The following EHMT1 variants were observed in gnomAD, a reference collection of about 807,000 sequenced individuals.
EHMT1 encodes euchromatic histone lysine methyltransferase 1.
EHMT1 carries 15 observed loss-of-function variants against 147.2 expected under a neutral mutation model. The observed-to-expected ratio is 0.10, with a 90% CI of 0.07 to 0.16. The LOEUF (loss-of-function observed/expected upper bound fraction) is 0.16, where lower values mean the gene tolerates loss of function less well. Among genes scored for constraint, EHMT1 ranks in the 10% least tolerant of loss-of-function variants. The pLI, the probability that EHMT1 is intolerant of heterozygous loss-of-function variation, is 1.00. For synonymous variants in EHMT1, 795 were observed against 709.6 expected (o/e 1.12, Z -1.91); for missense variants, 1,587 against 1,772.4 (o/e 0.90, Z 1.88).
At chr9:137,770,950 T>A (rs1950548384) in intron 10 of EHMT1, among the ~76,000 whole-genome samples, 1 of 152,254 alleles carries the variant, frequency 6.6e-6, no homozygotes, top group African/African-American at 2.4e-5. Context: ...TTTTGTTTTC[T>A]GTGTACTTGT....
At chr9:137,817,864 G>A (rs1233942750) in intron 24 of EHMT1, 196 bp from the exon 25 acceptor site, 21 of 645,948 alleles carry the variant, frequency 3.3e-5, no homozygotes, top group African/African-American at 5.4e-5. Flanking sequence ...CAGAGCTTTC[G>A]GTATCGTTAT....
chr9:137,795,429 TCTCACA>T (rs1564776415), intron 16 of EHMT1, among the ~76,000 whole-genome samples: 2 of 19,502 alleles, frequency 1.0e-4, no homozygotes, highest in Admixed American at 9.2e-4. Context: ...ACACACACAC[TCTCACA>T]CTCACATACA....
rs1945375031 is a variant in EHMT1 at position 137,716,914 on chromosome 9, A to C, written c.374A>C (p.Tyr125Ser). 4 of 1,612,918 alleles carry C rather than the reference A, an allele frequency of 2.5e-6. No homozygotes were observed. Among genetic ancestry groups the C allele is most frequent in the Non-Finnish European group, 3.4e-6 (4 of 1,179,866 alleles). ...ACTTCTGTCATCGGCAGCAACGGAT[A>C]CATCTTAAATAAGCCGGCCCTACAG... Reference protein sequence around the residue: ...VQTSVIGSNGYILNKPALQAQ... With the variant: ...VQTSVIGSNGSILNKPALQAQ... The change falls in exon 3 of 27, where the codon TAC (tyrosine) becomes TCC (serine). Residue 125 changes from tyrosine to serine, a missense_variant. Physicochemically the swap from Tyr to Ser is moderately radical, Grantham distance 144. Coordinates refer to ENST00000460843, the MANE Select transcript of EHMT1 (RefSeq NM_024757.5).
At chr9:137,793,139 T>G (rs1007391071) in intron 16 of EHMT1, among the ~76,000 whole-genome samples, 12 of 152,204 alleles carry the variant, frequency 7.9e-5, no homozygotes, top group African/African-American at 2.9e-4. Flanking sequence ...TCATGACCAA[T>G]AGCGTGAAAA....
intron 13 of EHMT1, among the ~76,000 whole-genome samples, chr9:137,778,401 C>A (rs1017786227): frequency 2.0e-5 from 3 of 152,240 alleles, no homozygotes; most frequent in Admixed American, 1.3e-4. Flanking sequence ...CAGGCCACAC[C>A]CCATCTGTGC....
intron 6 of EHMT1, among the ~76,000 whole-genome samples, chr9:137,750,383 A>G (rs1301868450): frequency 6.6e-6 from 1 of 152,250 alleles, no homozygotes; most frequent in East Asian, 1.9e-4. Flanking sequence ...TTTAAAAGAT[A>G]AGGACTCTTT....
At chr9:137,687,075 A>G (rs1284215236) in intron 1 of EHMT1, among the ~76,000 whole-genome samples, 2 of 152,184 alleles carry the variant, frequency 1.3e-5, no homozygotes, top group African/African-American at 4.8e-5. Flanking sequence ...CCAGCAACAT[A>G]GTTGATAGGT....
intron 1 of EHMT1, among the ~76,000 whole-genome samples, chr9:137,670,723 C>G (rs1395603458): frequency 3.9e-5 from 6 of 152,194 alleles, no homozygotes; most frequent in Non-Finnish European, 5.9e-5. Flanking sequence ...GCTCCAGTTC[C>G]TACGGGCCTG....
chr9:137,814,358 C>T (rs1258895003), intron 21 of EHMT1, 73 bp from the exon 22 acceptor site: 14 of 1,492,740 alleles, frequency 9.4e-6, no homozygotes, highest in Middle Eastern at 3.4e-4. Flanking sequence ...AACTGGAAGA[C>T]GTAGTTGTGA....
At chr9:137,675,405 A>T (rs2883083) in intron 1 of EHMT1, among the ~76,000 whole-genome samples, 2 of 111,402 alleles carry the variant, frequency 1.8e-5, no homozygotes, top group African/African-American at 5.3e-5. Flanking sequence ...GGTGACCAAT[A>T]GGGGGGTTGG....
In EHMT1 at chr9:137,743,231, G is replaced by C. The variant is rs573523279; in HGVS notation, c.824-140G>C. The C allele has an allele frequency of 4.6e-4, 449 of 976,292 alleles. 1 individual carries two copies. Among genetic ancestry groups the C allele is most frequent in the Non-Finnish European group, 3.6e-4 (240 of 666,270 alleles). 60.5% of individuals were successfully genotyped at this position (976,292 alleles called of 1,614,324 possible). On this transcript the variant is annotated intron_variant, in intron 4 of 26. Transcript: ENST00000460843. ...GCCTGTCACTGTGCTGATGACCTGC[G>C]GGCAGTGGGCCTGTTGTGATGGGGT...
In EHMT1 at chr9:137,644,349, G is replaced by A. The variant is rs879485435; in HGVS notation, c.21+25300G>A. On this transcript the variant is annotated intron_variant, in intron 1 of 26. Transcript: ENST00000460843. Reference sequence around the variant, plus strand: ...CATACTTTTTTTTTTTTTTGAGATGGAGTCTCATTTGGTTGCCCAGGCTGG... The same window carrying A: ...CATACTTTTTTTTTTTTTTGAGATGAAGTCTCATTTGGTTGCCCAGGCTGG... 5.3e-4 allele frequency among the ~76,000 whole-genome samples: 80 copies of A among 150,686 alleles called. 1 individual carries two copies. Among genetic ancestry groups the A allele is most frequent in the Non-Finnish European group, 1.0e-3 (70 of 67,758 alleles).
chr9:137,764,280 C>CGTCAGCGCCTCTCATCTGT (rs1190723413), intron 10 of EHMT1: 1 of 152,424 alleles, frequency 6.6e-6, no homozygotes, highest in African/African-American at 2.4e-5. Context: ...GCGACGTCTG[C>CGTCAGCGCCTCTCATCTGT]GTCAGCGCCT....
intron 22 of EHMT1, 111 bp from the exon 23 acceptor site, chr9:137,815,836 G>T (rs200477688): frequency 2.1e-6 from 2 of 940,884 alleles, no homozygotes; most frequent in African/African-American, 1.6e-5. Flanking sequence ...AGAAACCATC[G>T]TTTTTATGTC....
Position 137,787,705 on chromosome 9 carries a change from G to A in EHMT1, c.2383-3143G>A. The A allele has an allele frequency of 1.4e-6, 1 of 702,662 alleles. No individual in the cohort carries two copies. The highest frequency in any genetic ancestry group is 1.7e-5 in the South Asian group (1 of 59,780). 43.5% of individuals were successfully genotyped at this position (702,662 alleles called of 1,614,324 possible). On this transcript the variant is annotated intron_variant, in intron 15 of 26. Coordinates refer to ENST00000460843, the MANE Select transcript of EHMT1 (RefSeq NM_024757.5). This position sits in a 1 kb window ranked among gnomAD's most constrained non-coding sequence, Gnocchi z 4.2. ...GGAGAGCAGCCCGCCTGGGCCAGGG[G>A]CCGCCAGGTCCCCAGGGTGCCACCG... is the stretch of plus-strand genomic sequence containing the variant.
intron 1 of EHMT1, among the ~76,000 whole-genome samples, chr9:137,630,126 C>T (rs1339008061): frequency 6.6e-6 from 1 of 152,160 alleles, no homozygotes; most frequent in Admixed American, 6.6e-5. Flanking sequence ...TTGTGGATTT[C>T]TTTCTGTATT....
chr9:137,802,843 C>T, intron 18 of EHMT1: 1 of 1,231,998 alleles, frequency 8.1e-7, no homozygotes, highest in Non-Finnish European at 1.0e-6. Context: ...GAGTTCTTTC[C>T]CACTGCGGGT....
chr9:137,636,561 G>T (rs989170619), intron 1 of EHMT1, among the ~76,000 whole-genome samples: 1 of 152,064 alleles, frequency 6.6e-6, no homozygotes, highest in Non-Finnish European at 1.5e-5. Context: ...CTAGATTGAG[G>T]AATTCCCTTT....
At chr9:137,646,890 A>G (rs1272022411) in intron 1 of EHMT1, among the ~76,000 whole-genome samples, 1 of 152,048 alleles carries the variant, frequency 6.6e-6, no homozygotes, top group Admixed American at 6.5e-5. Context: ...TCCAGTCCCC[A>G]CGTGGCTGAG....
Sources: gnomAD v4.1 joint callset for allele counts (sites outside exome capture counted in the v4.1 genomes callset) on GRCh38, gnomAD v4.1.1 for gene constraint, Gnocchi (gnomAD v3.1) non-coding constraint, MANE v1.5 for transcripts, NCBI Gene and HGNC (gene_info 2026-07-23, HGNC 2026-07-21) for gene names.